STK32A: variants seen among roughly 807,000 people sequenced by gnomAD.
STK32A encodes serine/threonine-protein kinase 32A.
Under a neutral mutation model 53.2 loss-of-function variants are expected in STK32A, and 41 were observed. The observed-to-expected ratio is 0.77, with a 90% CI of 0.60 to 1.00. STK32A has a LOEUF of 1.00. Ranked by LOEUF, STK32A falls within the 50% of genes least tolerant of loss-of-function variation. The pLI, the probability that STK32A is intolerant of heterozygous loss-of-function variation, is 0.00. For synonymous variants in STK32A, 166 were observed against 162.8 expected (o/e 1.02, Z -0.15); for missense variants, 458 against 485.8 (o/e 0.94, Z 0.54).
intron 4 of STK32A, among the ~76,000 whole-genome samples, chr5:147,304,664 A>C (rs1444115001): frequency 2.0e-5 from 3 of 152,210 alleles, no homozygotes; most frequent in African/African-American, 4.8e-5. Context: ...ACTAGACAGA[A>C]AGACAACAGT....
At chr5:147,318,202 C>G (rs1754108211) in intron 4 of STK32A, among the ~76,000 whole-genome samples, 1 of 151,956 alleles carries the variant, frequency 6.6e-6, no homozygotes, top group African/African-American at 2.4e-5. Flanking sequence ...TTTCCTTCGT[C>G]TTTACAACAT....
chr5:147,286,515 G>T (rs1156575716), intron 4 of STK32A, among the ~76,000 whole-genome samples: 1 of 152,082 alleles, frequency 6.6e-6, no homozygotes, highest in Admixed American at 6.6e-5. Context: ...AGTTTATGCA[G>T]CTGTTTCAAC....
chr5:147,262,849 C>A (rs1417449289), intron 2 of STK32A, among the ~76,000 whole-genome samples: 1 of 152,184 alleles, frequency 6.6e-6, no homozygotes, highest in Non-Finnish European at 1.5e-5. Flanking sequence ...AATAACCAGA[C>A]CCATGCCGTA....
chr5:147,388,611 T>G (rs888385049), downstream of STK32A, among the ~76,000 whole-genome samples: 5 of 152,140 alleles, frequency 3.3e-5, no homozygotes, highest in Non-Finnish European at 7.4e-5. Context: ...GGCCTTTTTA[T>G]CCCCCATCTC....
In STK32A at chr5:147,311,565, G is replaced by GTGTTT. The variant is rs1216921322; in HGVS notation, c.261-12321_261-12317dup. On this transcript the variant is annotated intron_variant, in intron 4 of 12. Transcript: ENST00000397936. ...AGCCATCTGCCACTAGATTTCTGAA[G>GTGTTT]TGTTTTGTTTTGTTTTTAAGAGACA... 2.0e-5 allele frequency among the ~76,000 whole-genome samples: 3 copies of GTGTTT among 152,076 alleles called. No individual in the cohort carries two copies. In the South Asian group the frequency reaches 6.2e-4, roughly 32 times the overall value.
At chr5:147,333,604 C>T (rs1754978834) in intron 5 of STK32A, among the ~76,000 whole-genome samples, 1 of 152,144 alleles carries the variant, frequency 6.6e-6, no homozygotes, top group South Asian at 2.1e-4. Flanking sequence ...ACTTCACAGG[C>T]TGTGGTGATG....
At chr5:147,361,642 T>A (rs1444269116) in intron 8 of STK32A, 28 bp downstream of exon 8, 1 of 1,481,070 alleles carries the variant, frequency 6.8e-7, no homozygotes, top group South Asian at 1.2e-5. Flanking sequence ...CCTCTTTGGT[T>A]ATTTTTCCAG....
chr5:147,397,955 A>G, the STK32A span: 2 of 1,185,582 alleles, frequency 1.7e-6, no homozygotes, highest in Non-Finnish European at 2.3e-6. Flanking sequence ...CAGGTAAGCC[A>G]GGAAAAGCTC....
rs1757542727 is a variant in STK32A at position 147,383,685 on chromosome 5, G to C, written c.1097+180G>C. Among the ~76,000 whole-genome samples, 3 of 152,042 alleles carry C rather than the reference G, an allele frequency of 2.0e-5. No individual in the cohort carries two copies. In the South Asian group the frequency reaches 6.2e-4, roughly 32 times the overall value. On this transcript the variant is annotated intron_variant, in intron 12 of 12. Coordinates refer to ENST00000397936, the MANE Select transcript of STK32A (RefSeq NM_001112724.2). The stretch of plus-strand genomic sequence containing the variant: ...GTAAGGTATTTAACATTTTTTAATT[G>C]ATAAATTAGCCTAGCATCAAGTTTT...
chr5:147,359,180 C>T (rs1193499572), intron 7 of STK32A, among the ~76,000 whole-genome samples: 2 of 152,144 alleles, frequency 1.3e-5, no homozygotes, highest in Non-Finnish European at 2.9e-5. Context: ...AGGGAATCTT[C>T]TGGAAGGGTT....
chr5:147,372,564 C>T (rs946577991), intron 9 of STK32A, among the ~76,000 whole-genome samples: 7 of 151,976 alleles, frequency 4.6e-5, no homozygotes. Context: ...GTGGGACTGA[C>T]AATGCCTATT....
chr5:147,253,758 T>C (rs1754102374), intron 2 of STK32A, among the ~76,000 whole-genome samples: 2 of 152,222 alleles, frequency 1.3e-5, no homozygotes, highest in African/African-American at 4.8e-5. Context: ...GTCAGGACTG[T>C]GCCTTAGTTG....
intron 6 of STK32A, among the ~76,000 whole-genome samples, chr5:147,349,668 T>C (rs1755863872): frequency 2.6e-5 from 4 of 152,172 alleles, no homozygotes; most frequent in Admixed American, 1.3e-4. Context: ...AGAGATCATT[T>C]AGTCTACTCC....
chr5:147,333,372 T>C (rs1483898855), intron 5 of STK32A, among the ~76,000 whole-genome samples: 1 of 152,194 alleles, frequency 6.6e-6, no homozygotes, highest in East Asian at 1.9e-4. Flanking sequence ...TAAGACAAAA[T>C]ATGAAGATAT....
At chr5:147,272,867 G>T (rs1163871440) in intron 2 of STK32A, among the ~76,000 whole-genome samples, 1 of 152,180 alleles carries the variant, frequency 6.6e-6, no homozygotes, top group South Asian at 2.1e-4. Flanking sequence ...ACTAGTCTAA[G>T]GTTACACAGC....
At chr5:147,278,796 A>G (rs1332338265) in intron 3 of STK32A, among the ~76,000 whole-genome samples, 3 of 152,170 alleles carry the variant, frequency 2.0e-5, no homozygotes, top group African/African-American at 2.4e-5. Flanking sequence ...AAAAACATGG[A>G]CATCATATTT....
At chr5:147,265,551 A>C (rs1467861964) in intron 2 of STK32A, among the ~76,000 whole-genome samples, 1 of 152,236 alleles carries the variant, frequency 6.6e-6, no homozygotes, top group Admixed American at 6.5e-5. Context: ...AACAAGGGAC[A>C]TTTGATTATT....
At chr5:147,296,380 A>G (rs780261234) in intron 4 of STK32A, among the ~76,000 whole-genome samples, 28 of 150,446 alleles carry the variant, frequency 1.9e-4, no homozygotes, top group Non-Finnish European at 2.4e-4. Context: ...ATATGTTGGC[A>G]GGCTTCTCGG....
At chr5:147,344,286 G>A (rs572846370) in intron 6 of STK32A, among the ~76,000 whole-genome samples, 9 of 152,254 alleles carry the variant, frequency 5.9e-5, no homozygotes, top group Admixed American at 1.3e-4. Flanking sequence ...AGAAACACTG[G>A]TAATGACCTC....
Sources: gnomAD v4.1 joint callset for allele counts (sites outside exome capture counted in the v4.1 genomes callset) on GRCh38, gnomAD v4.1.1 for gene constraint, MANE v1.5 for transcripts, NCBI Gene and HGNC (gene_info 2026-07-23, HGNC 2026-07-21) for gene names.